ITIH2: variants seen among roughly 807,000 people sequenced by gnomAD.
ITIH2 encodes the protein inter-alpha-trypsin inhibitor heavy chain 2.
In ITIH2, 103 loss-of-function variants were observed where a neutral mutation model predicts 104.4. The ratio of observed to expected loss-of-function variants is 0.99; its 90% confidence interval spans 0.84 to 1.16. ITIH2 has a LOEUF of 1.16. Among genes scored for constraint, ITIH2 ranks in the 50% most tolerant of loss-of-function variants. The probability of loss-of-function intolerance (pLI) is 0.00; values close to 1 mark genes in which losing one functional copy is unlikely to be tolerated. For synonymous variants in ITIH2, 436 were observed against 435.4 expected (o/e 1.00, Z -0.02); for missense variants, 1,108 against 1,162.4 (o/e 0.95, Z 0.68).
rs1464642474 is a variant in ITIH2 at position 7,744,204 on chromosome 10, G to A, written c.2332G>A (p.Glu778Lys). ...SEDIKIEIST[E>K]TITLSHGSST... Reference sequence around the variant, plus strand: ...AGACATAAAAATAGAAATCAGCACTGAGACCATCACCCTGAGCCATGGTTC... The same window carrying A: ...AGACATAAAAATAGAAATCAGCACTAAGACCATCACCCTGAGCCATGGTTC... Residue 778 changes from glutamate (E) to lysine (K), a missense_variant, in exon 18 of 21, where the codon GAG becomes AAG. By Grantham distance (56) the Glu-to-Lys change is moderately conservative. Transcript: ENST00000358415. 3.7e-6 allele frequency: 6 copies of A among 1,613,946 alleles called. No homozygotes were observed. The highest frequency in any genetic ancestry group is 5.1e-6 in the Non-Finnish European group (6 of 1,179,994).
chr10:7,749,398 A>G lies in ITIH2; in HGVS notation c.*64A>G. ...TCTTTCCCCTGTCACTTTTGCAGAT[A>G]TTCTTCGGTTTGAATAATTAAAATG... On this transcript the variant is annotated 3_prime_UTR_variant, in exon 21 of 21. Transcript: ENST00000358415. 3 of 1,385,298 alleles carry G rather than the reference A, an allele frequency of 2.2e-6. No homozygotes were observed. Among genetic ancestry groups the G allele is most frequent in the South Asian group, 2.7e-5 (2 of 75,148 alleles). The allele number at this position is 1,385,298 out of a possible 1,614,324, so 85.8% of individuals were successfully genotyped here.
intron 14 of ITIH2, among the ~76,000 whole-genome samples, chr10:7,733,433 G>T (rs564038940): frequency 6.6e-6 from 1 of 152,310 alleles, no homozygotes; most frequent in East Asian, 1.9e-4. Flanking sequence ...TGTCCAAAGA[G>T]AAATTGATGA....
rs1302485087 is a variant in ITIH2 at position 7,731,913 on chromosome 10, T to C, written c.1564T>C (p.Phe522Leu). The C allele has an allele frequency of 6.2e-7, 1 of 1,614,044 alleles. No individual in the cohort carries two copies. Among genetic ancestry groups the C allele is most frequent in the Admixed American group, 1.7e-5 (1 of 60,020 alleles). Residue 522 changes from phenylalanine (F) to leucine (L), a missense_variant, in exon 13 of 21, where the codon TTT becomes CTT. Phe to Leu is a conservative substitution (Grantham distance 22). Transcript: ENST00000358415. The stretch of plus-strand genomic sequence containing the variant: ...CACTCAAAACAATTTCCATAACTAC[T>C]TTGGAGGCTCAGAGATTGTGGTGGC... ...DVTQNNFHNY[F>L]GGSEIVVAGK...
Position 7,730,010 on chromosome 10 carries a change from C to G in ITIH2, c.1338C>G (p.Ile446Met). ...KNVKENIQDN[I>M]SLFSLGMGFD... ...TTAAGGAGAACATCCAAGACAATAT[C>G]TCCTTGTTCAGTTTGGGCATGGGAT... The change falls in exon 12 of 21, where the codon ATC becomes ATG. Residue 446 changes from isoleucine (I) to methionine (M), a missense_variant. Coordinates refer to ENST00000358415, the MANE Select transcript of ITIH2 (RefSeq NM_002216.3). The G allele has an allele frequency of 6.2e-7, 1 of 1,613,086 alleles. No homozygotes were observed.
At chr10:7,743,051 T>C in intron 16 of ITIH2, 95 bp from the exon 17 acceptor site, 1 of 693,748 alleles carries the variant, frequency 1.4e-6, no homozygotes, top group Non-Finnish European at 2.5e-6. Flanking sequence ...TAAATATTTG[T>C]TCTGATTAAA....
chr10:7,738,552 T>C lies in ITIH2; in HGVS notation c.1958-69T>C, dbSNP rs1028401038. On this transcript the variant is annotated intron_variant, in intron 15 of 20. Transcript: ENST00000358415. Reference sequence around the variant, plus strand: ...ACCTGGGGGTGCATAAAACAGATTCTTGACATGGTGAGCAATTTCCGTGGA... The same window carrying C: ...ACCTGGGGGTGCATAAAACAGATTCCTGACATGGTGAGCAATTTCCGTGGA... 84 of 1,575,404 alleles carry C rather than the reference T, an allele frequency of 5.3e-5. No homozygotes were observed. The Middle Eastern group carries it at 1.5e-3, about 28-fold the overall frequency.
In ITIH2 at chr10:7,707,221, G is replaced by A. The variant is rs770401661; in HGVS notation, c.180G>A (p.Ser60=). ...CACAGAGAAGCCTTCCAGGAGAATC[G>A]GAAGAAATGATGGTAAGTTGACTTG... ...RRYQRSLPGE[S]EEMMEEVDQV... Residue 60 remains serine (S), a synonymous_variant, in exon 3 of 21, where the codon TCG becomes TCA. Coordinates refer to ENST00000358415, the MANE Select transcript of ITIH2 (RefSeq NM_002216.3). 27 of 1,601,412 alleles carry A rather than the reference G, an allele frequency of 1.7e-5. No homozygotes were observed. Among genetic ancestry groups the A allele is most frequent in the South Asian group, 8.9e-5 (8 of 89,732 alleles).
chr10:7,744,916 A>C lies in ITIH2; in HGVS notation c.2534A>C (p.Tyr845Ser). ...HPVNVDFLGI[Y>S]IPPTNKFSPK... ...GTCAATGTTGACTTTCTGGGAATCT[A>C]CATACCCCCTACAAACAAGTTCTCA... Residue 845 changes from tyrosine (Y) to serine (S), a missense_variant, in exon 19 of 21, where the codon TAC becomes TCC. Physicochemically the swap from Tyr to Ser is moderately radical, Grantham distance 144 (BLOSUM62 -2). Coordinates refer to ENST00000358415, the MANE Select transcript of ITIH2 (RefSeq NM_002216.3). The C allele has an allele frequency of 6.2e-7, 1 of 1,614,148 alleles. No homozygotes were observed. Among genetic ancestry groups the C allele is most frequent in the Non-Finnish European group, 8.5e-7 (1 of 1,179,994 alleles).
At chr10:7,723,329 C>T in intron 8 of ITIH2, 122 bp from the exon 9 acceptor site, 1 of 715,246 alleles carries the variant, frequency 1.4e-6, no homozygotes, top group Non-Finnish European at 2.5e-6. Flanking sequence ...GAGGCAAATG[C>T]ACATCAAGCT....
rs200578301 is a variant in ITIH2 at position 7,721,715 on chromosome 10, G to A, written c.805G>A (p.Val269Ile). 26 of 1,613,986 alleles carry A rather than the reference G, an allele frequency of 1.6e-5. 1 individual carries two copies. In the Admixed American group the frequency reaches 4.0e-4, roughly 25 times the overall value. ...ATGCCCTAACTGCCGGGAGACTGCG[G>A]TAGATGGGGAACTGGTGGTGCTGTA... ...RICPNCRETAVDGELVVLYDV... is the reference protein window; with the variant it reads ...RICPNCRETAIDGELVVLYDV... Residue 269 changes from valine to isoleucine, a missense_variant, in exon 8 of 21, where the codon GTA becomes ATA. Val to Ile is a conservative substitution (Grantham distance 29). Coordinates refer to ENST00000358415, the MANE Select transcript of ITIH2 (RefSeq NM_002216.3).
chr10:7,704,651 G>GA (rs1359318933), intron 1 of ITIH2, among the ~76,000 whole-genome samples: 1 of 152,110 alleles, frequency 6.6e-6, no homozygotes. Flanking sequence ...CCTCCATTTG[G>GA]ACACCTCTGA....
In ITIH2 at chr10:7,722,963, A is replaced by AGTGGAGTGGAGTGAAGTGGC. The variant is rs1226434005; in HGVS notation, c.868-474_868-455dup. ...GTAAAGACTGAGTGATGTGGAGTGG[A>AGTGGAGTGGAGTGAAGTGGC]GTGGAGTGGAGTGAAGTGGCGTGGA... On this transcript the variant is annotated intron_variant, in intron 8 of 20. Coordinates refer to ENST00000358415, the MANE Select transcript of ITIH2 (RefSeq NM_002216.3). 4.9e-4 allele frequency among the ~76,000 whole-genome samples: 75 copies of AGTGGAGTGGAGTGAAGTGGC among 151,696 alleles called. No individual in the cohort carries two copies. The East Asian group carries it at 0.011, about 22-fold the overall frequency.
At chr10:7,707,713 T>C (rs1188163742) in intron 3 of ITIH2, among the ~76,000 whole-genome samples, 1 of 152,106 alleles carries the variant, frequency 6.6e-6, no homozygotes, top group Admixed American at 6.6e-5. Context: ...TACAGGCATA[T>C]GTCTCCTCGC....
chr10:7,710,975 G>A (rs2130938665), intron 4 of ITIH2, among the ~76,000 whole-genome samples: 1 of 150,546 alleles, frequency 6.6e-6, no homozygotes, highest in Non-Finnish European at 1.5e-5. Flanking sequence ...AGAATGTATA[G>A]GTTTGTTACA....
At chr10:7,721,531 C>T in intron 7 of ITIH2, 118 bp from the exon 8 acceptor site, 1 of 873,562 alleles carries the variant, frequency 1.1e-6, no homozygotes, top group Non-Finnish European at 1.8e-6. Flanking sequence ...CCACCGATAT[C>T]GCGGGGATTC....
At chr10:7,730,773 G>A (rs1320077262) in intron 12 of ITIH2, among the ~76,000 whole-genome samples, 1 of 151,382 alleles carries the variant, frequency 6.6e-6, no homozygotes, top group Non-Finnish European at 1.5e-5. Flanking sequence ...CCTGCTCTTT[G>A]TCAGTACCAG....
At chr10:7,725,576 A>G (rs1423432115) in intron 9 of ITIH2, among the ~76,000 whole-genome samples, 1 of 152,232 alleles carries the variant, frequency 6.6e-6, no homozygotes, top group Non-Finnish European at 1.5e-5. Context: ...AAGAGAAGTG[A>G]AAGATGCCCC....
Position 7,746,709 on chromosome 10 carries a change from G to T in ITIH2, c.2693+5G>T, listed in dbSNP as rs752295864. On this transcript the variant is annotated splice_donor_5th_base_variant and intron_variant, in intron 20 of 20. Coordinates refer to ENST00000358415, the MANE Select transcript of ITIH2 (RefSeq NM_002216.3). The stretch of plus-strand genomic sequence containing the variant: ...GCAGAAGCTGATCATCACCAGGTAG[G>T]CCTCGGGCGTAAGGACAGTGACGAA... 7 of 1,587,502 alleles carry T rather than the reference G, an allele frequency of 4.4e-6. No individual in the cohort carries two copies. The South Asian group carries it at 6.6e-5, about 15-fold the overall frequency.
In ITIH2 at chr10:7,749,127, G is replaced by A. The variant is rs1457486846; in HGVS notation, c.2694-60G>A. 19 of 1,532,478 alleles carry A rather than the reference G, an allele frequency of 1.2e-5. No individual in the cohort carries two copies. The Admixed American group carries it at 3.2e-4, about 26-fold the overall frequency. 94.9% of individuals were successfully genotyped at this position (1,532,478 alleles called of 1,614,324 possible). On this transcript the variant is annotated intron_variant, in intron 20 of 20. Transcript: ENST00000358415. Reference sequence around the variant, plus strand: ...ACACGAAGAACAGCAAGGAAAAGAGGGAGTCTTGTGTCTAGAGGTGCTCAG... The same window carrying A: ...ACACGAAGAACAGCAAGGAAAAGAGAGAGTCTTGTGTCTAGAGGTGCTCAG...
Sources: gnomAD v4.1 joint callset for allele counts (sites outside exome capture counted in the v4.1 genomes callset) on GRCh38, gnomAD v4.1.1 for gene constraint, MANE v1.5 for transcripts, NCBI Gene and HGNC (gene_info 2026-07-23, HGNC 2026-07-21) for gene names.